Variants in STIM1 observed in about 807,000 individuals in gnomAD.
STIM1 encodes stromal interaction molecule 1.
A neutral mutation model predicts 74.7 loss-of-function variants in STIM1; 25 were observed. That is an observed-to-expected ratio of 0.33 (90% confidence interval 0.24 to 0.47). STIM1 has a LOEUF of 0.47. Ranked by LOEUF, STIM1 falls within the 20% of genes least tolerant of loss-of-function variation. The probability of loss-of-function intolerance (pLI) is 1.00; values close to 1 mark genes in which losing one functional copy is unlikely to be tolerated. For missense variants in STIM1, 728 were observed against 920.8 expected (o/e 0.79, Z 2.71); for synonymous variants, 328 against 348.8 (o/e 0.94, Z 0.66).
intron 2 of STIM1, among the ~76,000 whole-genome samples, chr11:4,015,596 G>T (rs554203708): frequency 6.6e-6 from 1 of 152,318 alleles, no homozygotes; most frequent in Admixed American, 6.5e-5. Context: ...GGCCTGCCTT[G>T]CTAGGTTGGG....
intron 3 of STIM1, among the ~76,000 whole-genome samples, chr11:4,049,866 G>A (rs2094226081): frequency 6.6e-6 from 1 of 151,928 alleles, no homozygotes; most frequent in Non-Finnish European, 1.5e-5. Context: ...AGCTTGCTGT[G>A]CTTTAGTTTC....
chr11:4,000,286 A>G (rs1306175592), intron 2 of STIM1, among the ~76,000 whole-genome samples: 1 of 146,332 alleles, frequency 6.8e-6, no homozygotes, highest in Non-Finnish European at 1.5e-5. Context: ...TGCCTCCTCA[A>G]GTGGGTCCCT....
intron 1 of STIM1, among the ~76,000 whole-genome samples, chr11:3,866,650 C>G (rs999542428): frequency 2.6e-5 from 4 of 152,180 alleles, no homozygotes; most frequent in South Asian, 2.1e-4. Flanking sequence ...TGGTCTTGAA[C>G]TCCTGACCTT....
intron 2 of STIM1, among the ~76,000 whole-genome samples, chr11:3,991,944 C>T (rs1341860553): frequency 1.9e-5 from 2 of 105,264 alleles, no homozygotes; most frequent in South Asian, 6.9e-4. Context: ...GAGTGAAACT[C>T]CATCTCAAAA....
chr11:4,055,675 G>A (rs1004404227), intron 4 of STIM1, 38 bp downstream of exon 4: 7 of 1,503,938 alleles, frequency 4.7e-6, no homozygotes, highest in Non-Finnish European at 6.3e-6. Flanking sequence ...TTGAGGGTAC[G>A]GGGAATGGGC....
At chr11:4,024,499 C>T (rs982144373) in intron 3 of STIM1, among the ~76,000 whole-genome samples, 3 of 152,110 alleles carry the variant, frequency 2.0e-5, no homozygotes, top group African/African-American at 7.2e-5. Context: ...GTTAAGTAGC[C>T]CTACTTCTTG....
intron 1 of STIM1, among the ~76,000 whole-genome samples, chr11:3,948,591 C>G (rs1350451989): frequency 1.3e-5 from 2 of 152,096 alleles, no homozygotes; most frequent in African/African-American, 4.8e-5. Flanking sequence ...ATCAAAGGAG[C>G]CCTACGTGAG....
intron 3 of STIM1, chr11:4,049,715 A>ACACAC (rs2094223353): frequency 3.9e-5 from 4 of 101,410 alleles, no homozygotes; most frequent in African/African-American, 7.0e-5. Context: ...CCCCTGCCCA[A>ACACAC]ACACACACAC....
Position 4,059,327 on chromosome 11 carries a change from A to G in STIM1, c.544A>G (p.Thr182Ala), listed in dbSNP as rs1157495973. 1.2e-6 allele frequency: 2 copies of G among 1,613,994 alleles called. No homozygotes were observed. The highest frequency in any genetic ancestry group is 2.2e-5 in the East Asian group (1 of 44,898). ...CATGACAGGGACTGTGCTGAAGATG[A>G]CAGACCGGAGTCATCGGCAGAAGCT... ...TTMTGTVLKMTDRSHRQKLQL... is the reference protein window; with the variant it reads ...TTMTGTVLKMADRSHRQKLQL... The change falls in exon 5 of 13, where the codon ACA becomes GCA. Residue 182 changes from threonine to alanine, a missense_variant. Transcript: ENST00000526596.
chr11:3,972,662 A>G (rs1475364159), intron 2 of STIM1, among the ~76,000 whole-genome samples: 1 of 152,186 alleles, frequency 6.6e-6, no homozygotes, highest in Non-Finnish European at 1.5e-5. Flanking sequence ...ATACACATTA[A>G]TATTGTCTAA....
intron 4 of STIM1, chr11:4,059,012 G>T: frequency 9.3e-7 from 1 of 1,077,632 alleles, no homozygotes; most frequent in East Asian, 4.6e-5. Context: ...AGTTGGGTGT[G>T]GGAATGGTCA....
At chr11:4,033,337 GCGGGCTCTTTTTTGGTTCC>G (rs1590662499) in intron 3 of STIM1, among the ~76,000 whole-genome samples, 1 of 152,268 alleles carries the variant, frequency 6.6e-6, no homozygotes, top group East Asian at 1.9e-4. Flanking sequence ...ACTTGGCGAT[GCGGGCTCTTTTTTGGTTCC>G]ATATGAACTT....
intron 2 of STIM1, among the ~76,000 whole-genome samples, chr11:3,999,900 C>T (rs184613294): frequency 1.7e-3 from 260 of 152,284 alleles, no homozygotes; most frequent in African/African-American, 5.5e-3. Flanking sequence ...ACTTTTCCGA[C>T]GGGCTTAGGA....
At chr11:3,977,811 T>C (rs992458314) in intron 2 of STIM1, among the ~76,000 whole-genome samples, 41 of 152,192 alleles carry the variant, frequency 2.7e-4, no homozygotes, top group African/African-American at 9.9e-4. Context: ...TTAATGTATG[T>C]AAAGCCCCTA....
chr11:4,057,553 C>CT (rs886169429), intron 4 of STIM1, among the ~76,000 whole-genome samples: 20 of 152,168 alleles, frequency 1.3e-4, no homozygotes, highest in Admixed American at 2.6e-4. Flanking sequence ...TTACTCAACT[C>CT]TAAGTCTCCA....
At chr11:4,058,554 C>A (rs2094308270) in intron 4 of STIM1, among the ~76,000 whole-genome samples, 2 of 151,882 alleles carry the variant, frequency 1.3e-5, no homozygotes, top group African/African-American at 2.4e-5. Context: ...ATATCTTTTA[C>A]CCCCCTCCTC....
At chr11:3,869,822 A>C (rs2091011791) in intron 1 of STIM1, among the ~76,000 whole-genome samples, 1 of 152,212 alleles carries the variant, frequency 6.6e-6, no homozygotes, top group African/African-American at 2.4e-5. Context: ...CCTAGATAGG[A>C]GACTTTGCAA....
At chr11:3,963,538 A>T (rs1473512866) in intron 1 of STIM1, among the ~76,000 whole-genome samples, 1 of 152,266 alleles carries the variant, frequency 6.6e-6, no homozygotes, top group Non-Finnish European at 1.5e-5. Context: ...GTTTAAAAAC[A>T]TATGCCTATG....
chr11:4,014,274 A>G (rs2093873037), intron 2 of STIM1, among the ~76,000 whole-genome samples: 1 of 152,188 alleles, frequency 6.6e-6, no homozygotes, highest in Non-Finnish European at 1.5e-5. Context: ...GGTTTCAAAG[A>G]ACATCTTTAT....
Sources: gnomAD v4.1 joint callset for allele counts (sites outside exome capture counted in the v4.1 genomes callset) on GRCh38, gnomAD v4.1.1 for gene constraint, MANE v1.5 for transcripts, NCBI Gene and HGNC (gene_info 2026-07-23, HGNC 2026-07-21) for gene names.